Variants in SGCZ observed in about 807,000 individuals in gnomAD.
The protein encoded by SGCZ is sarcoglycan zeta.
SGCZ carries 40 observed loss-of-function variants against 41.3 expected under a neutral mutation model. The observed-to-expected ratio is 0.97, with a 90% CI of 0.75 to 1.26. The LOEUF is 1.26. Ranked by LOEUF, SGCZ falls within the 50% of genes most tolerant of loss-of-function variation. The probability of loss-of-function intolerance (pLI) is 0.00; values close to 1 mark genes in which losing one functional copy is unlikely to be tolerated. For missense variants in SGCZ, 552 were observed against 369.8 expected (o/e 1.49, Z -4.04); for synonymous variants, 206 against 137.5 (o/e 1.50, Z -3.49).
chr8:14,439,274 C>T (rs1412162640), intron 2 of SGCZ, among the ~76,000 whole-genome samples: 1 of 147,284 alleles, frequency 6.8e-6, no homozygotes, highest in African/African-American at 2.5e-5. Context: ...TTGTTGCTAA[C>T]AGTCCCTTGA....
intron 1 of SGCZ, among the ~76,000 whole-genome samples, chr8:15,110,897 G>T (rs920620089): frequency 1.3e-5 from 2 of 152,162 alleles, no homozygotes; most frequent in African/African-American, 4.8e-5. Context: ...GAACCTGGAA[G>T]GCACAGGTTG....
intron 1 of SGCZ, among the ~76,000 whole-genome samples, chr8:14,982,157 CAAA>C (rs10710626): frequency 7.7e-4 from 107 of 138,546 alleles, no homozygotes; most frequent in Admixed American, 7.4e-4. Context: ...GACTCTGTCT[CAAA>C]AAAAAAAAAA....
intron 1 of SGCZ, among the ~76,000 whole-genome samples, chr8:14,905,411 A>G (rs552626883): frequency 6.6e-6 from 1 of 152,194 alleles, no homozygotes; most frequent in South Asian, 2.1e-4. Flanking sequence ...GGAAAACAAT[A>G]AAGTCAGGTA....
intron 1 of SGCZ, among the ~76,000 whole-genome samples, chr8:14,919,538 T>A (rs1403332054): frequency 6.6e-6 from 1 of 152,210 alleles, no homozygotes; most frequent in Non-Finnish European, 1.5e-5. Flanking sequence ...TAGAGTCACA[T>A]AAATGATAAA....
At chr8:15,118,935 T>A (rs1405153931) in intron 1 of SGCZ, among the ~76,000 whole-genome samples, 1 of 152,138 alleles carries the variant, frequency 6.6e-6, no homozygotes, top group African/African-American at 2.4e-5. Flanking sequence ...AGAGACAGAA[T>A]CTCTCAGATC....
intron 2 of SGCZ, among the ~76,000 whole-genome samples, chr8:14,338,059 G>C (rs1381834321): frequency 6.6e-6 from 1 of 152,180 alleles, no homozygotes; most frequent in African/African-American, 2.4e-5. Flanking sequence ...AGATATCAAG[G>C]ATGGATGCAC....
chr8:14,788,557 T>C (rs1455004211), intron 1 of SGCZ, among the ~76,000 whole-genome samples: 2 of 152,292 alleles, frequency 1.3e-5, no homozygotes, highest in African/African-American at 4.8e-5. Context: ...ATTTAAATCA[T>C]GGAACATCAG....
intron 1 of SGCZ, among the ~76,000 whole-genome samples, chr8:14,922,219 G>A (rs866496812): frequency 4.0e-5 from 6 of 151,822 alleles, no homozygotes; most frequent in Admixed American, 2.6e-4. Context: ...GACTGCGTAC[G>A]ACTGTCCTTC....
At chr8:14,751,946 C>CAA (rs1431493848) in intron 1 of SGCZ, among the ~76,000 whole-genome samples, 2 of 121,066 alleles carry the variant, frequency 1.7e-5, no homozygotes, top group African/African-American at 6.3e-5. Context: ...AAAACAAAAA[C>CAA]AAACAAAAAA....
At chr8:15,141,232 T>A (rs528956392) in intron 1 of SGCZ, among the ~76,000 whole-genome samples, 33 of 152,234 alleles carry the variant, frequency 2.2e-4, no homozygotes, top group Non-Finnish European at 4.0e-4. Flanking sequence ...ACCCACATAA[T>A]ACCAGGGACT....
chr8:14,778,206 T>G (rs905076734), intron 1 of SGCZ, among the ~76,000 whole-genome samples: 1 of 152,142 alleles, frequency 6.6e-6, no homozygotes, highest in Admixed American at 6.5e-5. Context: ...ATTACAGGCA[T>G]GAGCCAGCTA....
chr8:14,230,061 G>A lies in SGCZ; in HGVS notation c.424+7531C>T, dbSNP rs552521651. On this transcript the variant is annotated intron_variant, in intron 4 of 7. Transcript: ENST00000382080. ...CATTTTAAATTTTTGCACAAAATAC[G>A]TGCCTATGCTCTATGGCTAAGATGT... Among the ~76,000 whole-genome samples the A allele has an allele frequency of 7.4e-4, 112 of 152,136 alleles. 1 individual carries two copies. Among genetic ancestry groups the A allele is most frequent in the African/African-American group, 2.1e-3 (87 of 41,528 alleles).
intron 5 of SGCZ, among the ~76,000 whole-genome samples, chr8:14,114,741 G>T (rs75030323): frequency 2.6e-5 from 4 of 151,918 alleles, no homozygotes; most frequent in Admixed American, 1.3e-4. Context: ...AATGAAATTA[G>T]ACTAAAATAT....
intron 1 of SGCZ, among the ~76,000 whole-genome samples, chr8:14,996,028 C>T (rs977178592): frequency 3.9e-5 from 6 of 151,928 alleles, no homozygotes; most frequent in African/African-American, 1.2e-4. Context: ...CTCAGCCTCC[C>T]GAGTAGCTGA....
chr8:14,467,765 A>G (rs1403651408), intron 2 of SGCZ, among the ~76,000 whole-genome samples: 1 of 152,050 alleles, frequency 6.6e-6, no homozygotes, highest in Non-Finnish European at 1.5e-5. Context: ...TATGACATAT[A>G]ACACTCCTAG....
At chr8:14,116,095 T>C (rs545174065) in intron 5 of SGCZ, among the ~76,000 whole-genome samples, 56 of 152,172 alleles carry the variant, frequency 3.7e-4, no homozygotes, top group African/African-American at 1.3e-3. Context: ...TAAAAATCAG[T>C]AAAGAAATTG....
chr8:14,801,894 A>G (rs1801333036), intron 1 of SGCZ, among the ~76,000 whole-genome samples: 1 of 152,232 alleles, frequency 6.6e-6, no homozygotes, highest in South Asian at 2.1e-4. Context: ...CCTAATGAGA[A>G]ACTGACAAAC....
intron 2 of SGCZ, among the ~76,000 whole-genome samples, chr8:14,533,081 G>A (rs904118062): frequency 1.3e-5 from 2 of 151,828 alleles, no homozygotes; most frequent in Non-Finnish European, 2.9e-5. Flanking sequence ...TGCCATGTTG[G>A]TATGCTGCAC....
chr8:14,585,232 G>A (rs983594911), intron 1 of SGCZ, among the ~76,000 whole-genome samples: 3 of 152,042 alleles, frequency 2.0e-5, no homozygotes, highest in Non-Finnish European at 2.9e-5. Context: ...TGGTTCTCTA[G>A]TTATTTTCCC....
Sources: gnomAD v4.1 joint callset for allele counts (sites outside exome capture counted in the v4.1 genomes callset) on GRCh38, gnomAD v4.1.1 for gene constraint, MANE v1.5 for transcripts, NCBI Gene and HGNC (gene_info 2026-07-23, HGNC 2026-07-21) for gene names.